WDPCP: variants seen among roughly 807,000 people sequenced by gnomAD.
The protein encoded by WDPCP is WD repeat containing planar cell polarity effector, also known as WD repeat-containing and planar cell polarity effector protein fritz homolog.
A neutral mutation model predicts 93.1 loss-of-function variants in WDPCP; 71 were observed. The ratio of observed to expected loss-of-function variants is 0.76; its 90% CI spans 0.63 to 0.93. The LOEUF (loss-of-function observed/expected upper bound fraction) is 0.93, where lower values mean the gene tolerates loss of function less well. Among genes scored for constraint, WDPCP ranks in the 40% least tolerant of loss-of-function variants. The pLI, the probability that WDPCP is intolerant of heterozygous loss-of-function variation, is 0.00. For synonymous variants in WDPCP, 315 were observed against 315.0 expected, an observed-to-expected ratio of 1.00 and a Z score of 0.00; for missense variants, 844 against 887.4, an observed-to-expected ratio of 0.95 and a Z score of 0.62.
At chr2:63,394,274 A>T (rs1333878143) in intron 10 of WDPCP, among the ~76,000 whole-genome samples, 1 of 152,178 alleles carries the variant, frequency 6.6e-6, no homozygotes, top group Non-Finnish European at 1.5e-5. Flanking sequence ...GCCTACAACC[A>T]TATGAAAAAA....
intron 1 of WDPCP, among the ~76,000 whole-genome samples, chr2:63,541,598 T>G (rs1704733163): frequency 6.6e-6 from 1 of 152,202 alleles, no homozygotes; most frequent in Non-Finnish European, 1.5e-5. Context: ...CGTTTGTTAT[T>G]AAACCAGCAA....
chr2:63,158,673 A>G (rs971815557), intron 15 of WDPCP, among the ~76,000 whole-genome samples: 1 of 152,224 alleles, frequency 6.6e-6, no homozygotes, highest in African/African-American at 2.4e-5. Flanking sequence ...CTCTAATGTC[A>G]TGAATGTTAG....
intron 12 of WDPCP, among the ~76,000 whole-genome samples, chr2:63,364,407 T>A (rs750945583): frequency 6.6e-6 from 1 of 152,240 alleles, no homozygotes; most frequent in East Asian, 1.9e-4. Flanking sequence ...ATTAGTTTAA[T>A]GCTGAATCAT....
At chr2:63,213,231 C>A (rs1344293747) in intron 14 of WDPCP, among the ~76,000 whole-genome samples, 2 of 152,184 alleles carry the variant, frequency 1.3e-5, no homozygotes, top group Non-Finnish European at 2.9e-5. Flanking sequence ...AAGTAAAGCA[C>A]TCCTCAGCAA....
chr2:63,700,390 G>T (rs1669030108), intron 2 of WDPCP, among the ~76,000 whole-genome samples: 1 of 151,864 alleles, frequency 6.6e-6, no homozygotes, highest in Non-Finnish European at 1.5e-5. Flanking sequence ...AGTGGGAATG[G>T]AAAAGGTCAG....
At chr2:63,355,168 GA>G (rs1389913264) in intron 12 of WDPCP, among the ~76,000 whole-genome samples, 4 of 151,804 alleles carry the variant, frequency 2.6e-5, no homozygotes, top group Non-Finnish European at 4.4e-5. Context: ...CAAAATGAAG[GA>G]AAAAAATGTT....
intron 3 of WDPCP, among the ~76,000 whole-genome samples, chr2:63,616,426 T>A (rs1709674183): frequency 6.6e-6 from 1 of 152,208 alleles, no homozygotes; most frequent in African/African-American, 2.4e-5. Flanking sequence ...GAGAGGTAAG[T>A]AGGAGCCAGT....
At chr2:63,490,376 T>C (rs1700808317) in intron 2 of WDPCP, among the ~76,000 whole-genome samples, 1 of 152,158 alleles carries the variant, frequency 6.6e-6, no homozygotes, top group Non-Finnish European at 1.5e-5. Context: ...GCTACAACTC[T>C]CAAACGGTTC....
At chr2:63,825,143 C>T (rs1671093810) in intron 1 of WDPCP, among the ~76,000 whole-genome samples, 1 of 151,966 alleles carries the variant, frequency 6.6e-6, no homozygotes, top group African/African-American at 2.4e-5. Context: ...CTAATAAATG[C>T]CGGTGAATAC....
chr2:63,693,974 A>T (rs1668927233), intron 2 of WDPCP, among the ~76,000 whole-genome samples: 1 of 152,170 alleles, frequency 6.6e-6, no homozygotes, highest in Non-Finnish European at 1.5e-5. Context: ...CTTGAAAATT[A>T]GTGTTGTTTT....
At chr2:63,557,045 T>C (rs1208291111) in intron 1 of WDPCP, among the ~76,000 whole-genome samples, 1 of 152,164 alleles carries the variant, frequency 6.6e-6, no homozygotes, top group Non-Finnish European at 1.5e-5. Flanking sequence ...GAAAGAACGT[T>C]ATCAACCACT....
chr2:63,445,398 C>T (rs1167163981), intron 6 of WDPCP, among the ~76,000 whole-genome samples: 1 of 152,096 alleles, frequency 6.6e-6, no homozygotes, highest in African/African-American at 2.4e-5. Flanking sequence ...TAGAAATCTG[C>T]CTGCAAAGTC....
intron 17 of WDPCP, among the ~76,000 whole-genome samples, chr2:63,150,026 G>A (rs143776569): frequency 0.01 from 1,572 of 152,130 alleles, 14 homozygotes; most frequent in Non-Finnish European, 0.017. Flanking sequence ...TTTATTTATG[G>A]AACTTGCCTC....
rs188811209 is a variant in WDPCP, at chr2:63,488,485, T to C, written c.161-991A>G. 1.8e-3 allele frequency among the ~76,000 whole-genome samples: 276 copies of C among 152,114 alleles called. 1 individual carries two copies. Among genetic ancestry groups the C allele is most frequent in the Non-Finnish European group, 2.1e-3 (143 of 68,002 alleles). On this transcript the variant is annotated intron_variant, in intron 2 of 17. Coordinates refer to ENST00000272321, the MANE Select transcript of WDPCP (RefSeq NM_015910.7). Reference sequence around the variant, plus strand: ...AGTAGAGGCATACAATTTTAAAGAATGCAGTTTATGTCTACTGGTTAGACT... The same window carrying C: ...AGTAGAGGCATACAATTTTAAAGAACGCAGTTTATGTCTACTGGTTAGACT...
chr2:63,455,456 A>G (rs1384498593), intron 6 of WDPCP, among the ~76,000 whole-genome samples: 1 of 150,970 alleles, frequency 6.6e-6, no homozygotes, highest in Admixed American at 6.6e-5. Flanking sequence ...ACACACACAC[A>G]CAGAAAGTAA....
chr2:63,647,514 G>A (rs1197286314), intron 3 of WDPCP, among the ~76,000 whole-genome samples: 1 of 152,086 alleles, frequency 6.6e-6, no homozygotes, highest in Non-Finnish European at 1.5e-5. Context: ...TGAAAAAAAA[G>A]CCAATCCCCA....
At chr2:63,541,850 T>C (rs1314126562) in intron 1 of WDPCP, among the ~76,000 whole-genome samples, 1 of 152,208 alleles carries the variant, frequency 6.6e-6, no homozygotes, top group Admixed American at 6.5e-5. Context: ...ATGAGTATTC[T>C]ATGTGTAACT....
intron 1 of WDPCP, among the ~76,000 whole-genome samples, chr2:63,575,247 ATAGT>A (rs1481055766): frequency 6.7e-6 from 1 of 150,302 alleles, no homozygotes; most frequent in Non-Finnish European, 1.5e-5. Context: ...TCTACTATAG[ATAGT>A]ATGTCTCTCT....
chr2:63,621,009 C>T lies in WDPCP; in HGVS notation n.488+29650G>A, dbSNP rs571518017. 1.2e-4 allele frequency among the ~76,000 whole-genome samples: 18 copies of T among 152,234 alleles called. No homozygotes were observed. The South Asian group carries it at 2.1e-3, about 18-fold the overall frequency. Reference sequence around the variant, plus strand: ...AGGACACCCACACCAAAACCCCATCCGAAGGTCACCAACATCAAAGACCAA... The same window carrying T: ...AGGACACCCACACCAAAACCCCATCTGAAGGTCACCAACATCAAAGACCAA... On this transcript the variant is annotated intron_variant and non_coding_transcript_variant, in intron 3 of 4. Coordinates refer to the WDPCP transcript ENST00000467687.
Sources: gnomAD v4.1 joint callset for allele counts (sites outside exome capture counted in the v4.1 genomes callset) on GRCh38, gnomAD v4.1.1 for gene constraint, MANE v1.5 for transcripts, NCBI Gene and HGNC (gene_info 2026-07-23, HGNC 2026-07-21) for gene names.